The following TSPAN18 variants were observed in gnomAD, a reference collection of about 807,000 sequenced individuals.
TSPAN18 encodes the protein tetraspanin-18.
Under a neutral mutation model 27.3 loss-of-function variants are expected in TSPAN18, and 14 were observed. The observed-to-expected ratio is 0.51, with a 90% confidence interval of 0.34 to 0.80. The LOEUF is 0.80. Among genes scored for constraint, TSPAN18 ranks in the 30% least tolerant of loss-of-function variants. The pLI, the probability that TSPAN18 is intolerant of heterozygous loss-of-function variation, is 0.01. For missense variants in TSPAN18, 268 were observed against 323.9 expected (o/e 0.83, Z 1.32); for synonymous variants, 143 against 136.5 (o/e 1.05, Z -0.33).
intron 3 of TSPAN18, among the ~76,000 whole-genome samples, chr11:44,862,245 G>A (rs1347301283): frequency 1.3e-5 from 2 of 152,242 alleles, no homozygotes; most frequent in East Asian, 3.9e-4. Context: ...GCCCTCCGCC[G>A]CGGCAGCTCT....
chr11:44,853,857 G>A (rs986287856), intron 2 of TSPAN18, among the ~76,000 whole-genome samples: 8 of 152,238 alleles, frequency 5.3e-5, no homozygotes, highest in Admixed American at 3.3e-4. Flanking sequence ...TGGGCCTCCC[G>A]GTTCTGTGTG....
chr11:44,773,247 T>C (rs570354878), intron 2 of TSPAN18, among the ~76,000 whole-genome samples: 7 of 151,744 alleles, frequency 4.6e-5, no homozygotes, highest in African/African-American at 1.7e-4. Flanking sequence ...AGAAACCCCG[T>C]CTCTACTAAA....
chr11:44,788,507 G>A (rs1856115789), intron 2 of TSPAN18, among the ~76,000 whole-genome samples: 1 of 128,014 alleles, frequency 7.8e-6, no homozygotes, highest in African/African-American at 3.0e-5. Flanking sequence ...TCCCAGGCTT[G>A]AGTGCAATGG....
chr11:44,926,850 C>T, intron 9 of TSPAN18, 93 bp downstream of exon 9: 21 of 1,437,938 alleles, frequency 1.5e-5, no homozygotes, highest in Non-Finnish European at 2.0e-5. Context: ...TCTTCATTTC[C>T]TTCACCTGGG....
intron 2 of TSPAN18, among the ~76,000 whole-genome samples, chr11:44,788,682 T>A (rs1181455996): frequency 6.6e-6 from 1 of 152,032 alleles, no homozygotes; most frequent in Non-Finnish European, 1.5e-5. Flanking sequence ...CTCCTGACCT[T>A]GTGATCTCCC....
intron 2 of TSPAN18, among the ~76,000 whole-genome samples, chr11:44,774,299 A>T (rs1248289209): frequency 1.3e-5 from 2 of 152,210 alleles, no homozygotes; most frequent in East Asian, 3.9e-4. Context: ...GGGGTGTGGT[A>T]TCTGCTTTCT....
At chr11:44,747,236 C>T (rs367857004) in intron 1 of TSPAN18, among the ~76,000 whole-genome samples, 3 of 152,378 alleles carry the variant, frequency 2.0e-5, no homozygotes, top group African/African-American at 7.2e-5. Context: ...CTGCCTGCAG[C>T]AGCCAGGAGC....
At chr11:44,879,831 G>A (rs1440146670) in intron 3 of TSPAN18, among the ~76,000 whole-genome samples, 2 of 152,256 alleles carry the variant, frequency 1.3e-5, no homozygotes, top group Non-Finnish European at 2.9e-5. Flanking sequence ...AGATGGCAAA[G>A]CGGACGAAGA....
chr11:44,828,515 C>G (rs572003717), intron 2 of TSPAN18, among the ~76,000 whole-genome samples: 8 of 152,072 alleles, frequency 5.3e-5, no homozygotes, highest in African/African-American at 1.9e-4. Context: ...ATAAGCACTG[C>G]GGCAGGGGCC....
chr11:44,836,419 A>G (rs1857264893), intron 2 of TSPAN18, among the ~76,000 whole-genome samples: 1 of 152,232 alleles, frequency 6.6e-6, no homozygotes, highest in Non-Finnish European at 1.5e-5. Flanking sequence ...GCAGAAGAAA[A>G]TTGGGAGCTA....
intron 2 of TSPAN18, among the ~76,000 whole-genome samples, chr11:44,854,118 C>A (rs1343758006): frequency 1.4e-5 from 2 of 142,538 alleles, no homozygotes; most frequent in Non-Finnish European, 3.0e-5. Context: ...CGTGTGCAGC[C>A]TGAGGCTGAA....
intron 2 of TSPAN18, among the ~76,000 whole-genome samples, chr11:44,799,680 C>G (rs1726436669): frequency 6.6e-6 from 1 of 152,204 alleles, no homozygotes; most frequent in Non-Finnish European, 1.5e-5. Flanking sequence ...CTACTATTTT[C>G]CCTTTCTACG....
intron 4 of TSPAN18, 105 bp downstream of exon 4, chr11:44,906,584 G>A (rs2306665): frequency 0.45 from 493,322 of 1,099,400 alleles, 112,368 homozygotes; most frequent in East Asian, 0.59. Flanking sequence ...CACAGGGGCC[G>A]GCGCTAGAGG....
chr11:44,803,111 T>C (rs555116582), intron 2 of TSPAN18, among the ~76,000 whole-genome samples: 14 of 152,282 alleles, frequency 9.2e-5, no homozygotes, highest in African/African-American at 3.1e-4. Flanking sequence ...GAATTCAGCC[T>C]AGTAAGAAAA....
At chr11:44,779,565 T>C (rs1855890426) in intron 2 of TSPAN18, among the ~76,000 whole-genome samples, 1 of 152,192 alleles carries the variant, frequency 6.6e-6, no homozygotes, top group South Asian at 2.1e-4. Flanking sequence ...CACCATGGCC[T>C]TGTGAAGACA....
intron 2 of TSPAN18, among the ~76,000 whole-genome samples, chr11:44,776,228 C>G (rs750348): frequency 0.14 from 20,637 of 152,210 alleles, 1,901 homozygotes; most frequent in Non-Finnish European, 0.2. Flanking sequence ...AGGAAAGGAA[C>G]TAGTAAGACC....
intron 3 of TSPAN18, among the ~76,000 whole-genome samples, chr11:44,875,096 C>T (rs1858294362): frequency 6.6e-6 from 1 of 152,208 alleles, no homozygotes; most frequent in Admixed American, 6.5e-5. Flanking sequence ...TTGGACCAGC[C>T]CCTTGCAGAG....
intron 3 of TSPAN18, among the ~76,000 whole-genome samples, chr11:44,883,132 C>T (rs1010824695): frequency 2.0e-5 from 3 of 152,232 alleles, no homozygotes; most frequent in African/African-American, 7.2e-5. Context: ...GACCCACCTT[C>T]CCTCTGCTCC....
At chr11:44,917,759 T>C (rs1859966561) in intron 5 of TSPAN18, 1 of 590,928 alleles carries the variant, frequency 1.7e-6, no homozygotes, top group East Asian at 2.8e-5. Context: ...TATTTGTTTA[T>C]TCTTTTCATA....
Sources: gnomAD v4.1 joint callset for allele counts (sites outside exome capture counted in the v4.1 genomes callset) on GRCh38, gnomAD v4.1.1 for gene constraint, MANE v1.5 for transcripts, NCBI Gene and HGNC (gene_info 2026-07-23, HGNC 2026-07-21) for gene names.